Variants in ECHDC2 observed in about 807,000 individuals in gnomAD.
ECHDC2 encodes enoyl-CoA hydratase domain containing 2, also known as enoyl-CoA hydratase domain-containing protein 2, mitochondrial.
ECHDC2 carries 34 observed loss-of-function variants against 40.6 expected under a neutral mutation model. The ratio of observed to expected loss-of-function variants is 0.84; its 90% CI spans 0.64 to 1.11. The LOEUF (loss-of-function observed/expected upper bound fraction) is 1.11, where lower values mean the gene tolerates loss of function less well. Ranked by LOEUF, ECHDC2 falls within the 50% of genes most tolerant of loss-of-function variation. The probability of loss-of-function intolerance (pLI) is 0.00; values close to 1 mark genes in which losing one functional copy is unlikely to be tolerated. For synonymous variants in ECHDC2, 162 were observed against 166.6 expected (o/e 0.97, Z 0.21); for missense variants, 392 against 400.7 (o/e 0.98, Z 0.19).
chr1:52,912,172 T>A, intron 1 of ECHDC2: 2 of 202,340 alleles, frequency 9.9e-6, no homozygotes, highest in Non-Finnish European at 1.5e-5. Flanking sequence ...CATATTCATC[T>A]TTTTTTTTTT....
chr1:52,920,355 C>G, intron 1 of ECHDC2: 1 of 672,586 alleles, frequency 1.5e-6, no homozygotes, highest in Non-Finnish European at 2.7e-6. Context: ...AACTTGTTGT[C>G]AAGCCGGTAA....
chr1:52,903,627 C>T (rs1160783875), intron 7 of ECHDC2, among the ~76,000 whole-genome samples: 1 of 151,562 alleles, frequency 6.6e-6, no homozygotes, highest in East Asian at 1.9e-4. Context: ...TGGCCCGTCA[C>T]GGTGGTTCAT....
intron 3 of ECHDC2, among the ~76,000 whole-genome samples, chr1:52,908,803 G>A (rs1056546772): frequency 1.3e-4 from 19 of 151,752 alleles, no homozygotes; most frequent in Admixed American, 4.6e-4. Context: ...GTGTGTTGGT[G>A]GGCACCTGTA....
chr1:52,897,183 G>A lies in ECHDC2; in HGVS notation c.801+254C>T, dbSNP rs866410383. 1.3e-5 allele frequency: 7 copies of A among 557,516 alleles called. No individual in the cohort carries two copies. The Admixed American group carries it at 1.5e-4, about 12-fold the overall frequency. The allele number at this position is 557,516 out of a possible 1,614,324, so 34.5% of individuals were successfully genotyped here. A position where few individuals can be genotyped will look rare whatever the true frequency, so the allele number is the denominator to read the frequency against. ...AAAAGATGTGGTTCTTCCTCTTAAG[G>A]ACCTGTGTTCTGTGATTCTCGGCAT... is the stretch of plus-strand genomic sequence containing the variant. On this transcript the variant is annotated intron_variant, in intron 9 of 9. Coordinates refer to ENST00000371522, the MANE Select transcript of ECHDC2 (RefSeq NM_001198961.2).
At position 52,899,435 on chromosome 1, in the gene ECHDC2, C is replaced by A. The variant is rs142284912; in HGVS notation, c.703-211G>T. On this transcript the variant is annotated intron_variant, in intron 7 of 9. Coordinates refer to ENST00000371522, the MANE Select transcript of ECHDC2 (RefSeq NM_001198961.2). ...GAAGCCAGACTCTGATCCCTGAACACCTGGGTTTCTTGTTATTCAGCCCAT... is the reference window on the plus strand; with the variant it reads ...GAAGCCAGACTCTGATCCCTGAACAACTGGGTTTCTTGTTATTCAGCCCAT... 8.1e-4 allele frequency: 475 copies of A among 589,500 alleles called. 1 individual carries two copies. The highest frequency in any genetic ancestry group is 4.5e-3 in the African/African-American group (240 of 53,538). The allele number at this position is 589,500 out of a possible 1,614,324, so 36.5% of individuals were successfully genotyped here. A position where few individuals can be genotyped will look rare whatever the true frequency, so the allele number is the denominator to read the frequency against.
intron 5 of ECHDC2, 23 bp from the exon 6 acceptor site, chr1:52,905,113 G>A: frequency 6.2e-7 from 1 of 1,613,488 alleles, no homozygotes; most frequent in Non-Finnish European, 8.5e-7. Context: ...AACAAAGTGA[G>A]GCCTCCCTCC....
chr1:52,897,390 TG>T, intron 9 of ECHDC2, 46 bp downstream of exon 9: 1 of 1,602,512 alleles, frequency 6.2e-7, no homozygotes, highest in Non-Finnish European at 8.6e-7. Context: ...CCCTCTAGCC[TG>T]GCCCAGCCTA....
chr1:52,915,259 C>T (rs1019592780), intron 1 of ECHDC2: 1 of 455,974 alleles, frequency 2.2e-6, no homozygotes, highest in South Asian at 1.5e-5. Flanking sequence ...TTCAAAGACC[C>T]CTTATTATTA....
In ECHDC2 at chr1:52,897,330, TGTTTGTGTTGAGAA is replaced by T. The variant is rs878876009; in HGVS notation, c.801+93_801+106del. ...TGAGGGACGATGGATGCGGTCAGAC[TGTTTGTGTTGAGAA>T]GAACCTTCTAAAATTGGTCATGTAC... On this transcript the variant is annotated intron_variant, in intron 9 of 9. Coordinates refer to ENST00000371522, the MANE Select transcript of ECHDC2 (RefSeq NM_001198961.2). 4.1e-5 allele frequency: 46 copies of T among 1,130,762 alleles called. No homozygotes were observed. In the South Asian group the frequency reaches 5.7e-4, roughly 14 times the overall value. The allele number at this position is 1,130,762 out of a possible 1,614,324, so 70.0% of individuals were successfully genotyped here. A position where few individuals can be genotyped will look rare whatever the true frequency, so the allele number is the denominator to read the frequency against.
intron 3 of ECHDC2, 88 bp from the exon 4 acceptor site, chr1:52,908,042 T>A: frequency 8.4e-7 from 1 of 1,195,460 alleles, no homozygotes; most frequent in Non-Finnish European, 1.2e-6. Context: ...AAAGAAGACC[T>A]GAGGACAGGC....
chr1:52,898,654 A>G (rs191053285), intron 8 of ECHDC2: 1 of 168,886 alleles, frequency 5.9e-6, no homozygotes, highest in Admixed American at 5.5e-5. Context: ...GGCAGTGACC[A>G]TGTTTAACTC....
intron 7 of ECHDC2, among the ~76,000 whole-genome samples, chr1:52,903,203 A>G (rs1647099505): frequency 6.6e-6 from 1 of 151,974 alleles, no homozygotes; most frequent in Non-Finnish European, 1.5e-5. Flanking sequence ...CCTGCTCCCT[A>G]CTGAGCATGG....
chr1:52,911,932 C>G, intron 1 of ECHDC2, 142 bp from the exon 2 acceptor site: 1 of 1,461,966 alleles, frequency 6.8e-7, no homozygotes, highest in African/African-American at 1.4e-5. Context: ...AAGTCACACA[C>G]TCAGGCAGGC....
rs371122731 is a variant in ECHDC2, at chr1:52,899,128, G to A, written c.753+46C>T. The A allele has an allele frequency of 3.7e-4, 589 of 1,602,986 alleles. 2 individuals carry two copies. Among genetic ancestry groups the A allele is most frequent in the Non-Finnish European group, 4.3e-4 (508 of 1,169,976 alleles). ...GCTCTGAAAGCACTGTGTCCCAGCC[G>A]CGACCAACTTTAGTGGACCCAAGTC... On this transcript the variant is annotated intron_variant, in intron 8 of 9. Transcript: ENST00000371522.
In ECHDC2 at chr1:52,921,574, C is replaced by T; in HGVS notation, c.100G>A (p.Ala34Thr). The T allele has an allele frequency of 1.2e-6, 2 of 1,609,548 alleles. No homozygotes were observed. The highest frequency in any genetic ancestry group is 2.2e-5 in the East Asian group (1 of 44,712). Residue 34 changes from alanine to threonine, a missense_variant, in exon 1 of 10, where the codon GCC becomes ACC. Coordinates refer to ENST00000371522, the MANE Select transcript of ECHDC2 (RefSeq NM_001198961.2). ...TTACCTTGGTCCGGACCCGCCAGGGCGCGCACTTGGATCTCTGAGCCCCCG... is the reference window on the plus strand; with the variant it reads ...TTACCTTGGTCCGGACCCGCCAGGGTGCGCACTTGGATCTCTGAGCCCCCG... ...AAGGSEIQVR[A>T]LAGPDQGITE...
chr1:52,901,167 T>TAAATA (rs1646968485), intron 7 of ECHDC2: 1 of 129,954 alleles, frequency 7.7e-6, no homozygotes, highest in South Asian at 2.3e-4. Context: ...CAAAAATAAA[T>TAAATA]AAATAAATAA....
At position 52,910,890 on chromosome 1, in the gene ECHDC2, G is replaced by C. The variant is rs75125783; in HGVS notation, c.277+676C>G. Among the ~76,000 whole-genome samples the C allele has an allele frequency of 5.1e-3, 779 of 152,318 alleles. 6 individuals carry two copies. Among genetic ancestry groups the C allele is most frequent in the African/African-American group, 0.018 (751 of 41,568 alleles). On this transcript the variant is annotated intron_variant, in intron 3 of 9. Coordinates refer to ENST00000371522, the MANE Select transcript of ECHDC2 (RefSeq NM_001198961.2). ...AGATGCAGGGGTGAGCAGGAGTAGA[G>C]AGTAAATAGACTCTTCCAGTCCTAG...
At chr1:52,919,573 G>A (rs1361669794) in intron 1 of ECHDC2, among the ~76,000 whole-genome samples, 1 of 152,150 alleles carries the variant, frequency 6.6e-6, no homozygotes, top group Non-Finnish European at 1.5e-5. Flanking sequence ...CCGTTGTTAA[G>A]CAACACATGA....
chr1:52,921,515 C>G (rs935248022), intron 1 of ECHDC2, 38 bp downstream of exon 1: 1 of 1,593,644 alleles, frequency 6.3e-7, no homozygotes. Flanking sequence ...GGCCTAGTCC[C>G]AGTCGCGTCA....
Sources: gnomAD v4.1 joint callset for allele counts (sites outside exome capture counted in the v4.1 genomes callset) on GRCh38, gnomAD v4.1.1 for gene constraint, MANE v1.5 for transcripts, NCBI Gene and HGNC (gene_info 2026-07-23, HGNC 2026-07-21) for gene names.